The following HIBCH variants were observed in gnomAD, a reference collection of about 807,000 sequenced individuals.
The protein encoded by HIBCH is 3-hydroxyisobutyryl-CoA hydrolase.
A neutral mutation model predicts 58.2 loss-of-function variants in HIBCH; 50 were observed. The ratio of observed to expected loss-of-function variants is 0.86; its 90% CI spans 0.68 to 1.09. The LOEUF is 1.09. Among genes scored for constraint, HIBCH ranks in the 50% least tolerant of loss-of-function variants. The pLI is 0.00. For synonymous variants in HIBCH, 151 were observed against 146.9 expected (o/e 1.03, Z -0.20); for missense variants, 450 against 449.7 (o/e 1.00, Z -0.01).
rs1203864328 is a variant in HIBCH at position 190,207,033 on chromosome 2, A to C, written c.1046-1801T>G. On this transcript the variant is annotated intron_variant, in intron 13 of 13. Coordinates refer to ENST00000359678, the MANE Select transcript of HIBCH (RefSeq NM_014362.4). This position sits in a 1 kb window ranked among gnomAD's most constrained non-coding sequence, Gnocchi z 4.5. ...GCTACTCGGGAGGCTGAGGCAGGAG[A>C]ATGGTGTGAACCCGGGAGGCGGAGT... Among the ~76,000 whole-genome samples the C allele has an allele frequency of 6.6e-6, 1 of 152,060 alleles. No individual in the cohort carries two copies. Among genetic ancestry groups the C allele is most frequent in the East Asian group, 1.9e-4 (1 of 5,194 alleles).
chr2:190,311,016 G>A (rs749840177), intron 1 of HIBCH: 53 of 680,778 alleles, frequency 7.8e-5, no homozygotes, highest in Non-Finnish European at 1.2e-4. Context: ...CTGCCAAAAT[G>A]TGGACGTAAC....
At chr2:190,318,018 G>A (rs559413980) in intron 1 of HIBCH, among the ~76,000 whole-genome samples, 1 of 151,888 alleles carries the variant, frequency 6.6e-6, no homozygotes, top group South Asian at 2.1e-4. Context: ...TAGAGACGGG[G>A]TTTCACTATG....
intron 9 of HIBCH, among the ~76,000 whole-genome samples, chr2:190,246,525 A>G (rs1224126406): frequency 1.3e-5 from 2 of 152,240 alleles, no homozygotes; most frequent in Admixed American, 6.5e-5. Flanking sequence ...GGGACCTGAA[A>G]GGTCAACCTG....
At position 190,206,158 on chromosome 2, in the gene HIBCH, C is replaced by A. The variant is rs779279175; in HGVS notation, c.1046-926G>T. Among the ~76,000 whole-genome samples, 1 of 152,086 alleles carries A rather than the reference C, an allele frequency of 6.6e-6. No individual in the cohort carries two copies. The highest frequency in any genetic ancestry group is 1.5e-5 in the Non-Finnish European group (1 of 68,004). On this transcript the variant is annotated intron_variant, in intron 13 of 13. Coordinates refer to ENST00000359678, the MANE Select transcript of HIBCH (RefSeq NM_014362.4). This position sits in a 1 kb window ranked among gnomAD's most constrained non-coding sequence, Gnocchi z 5.1. The stretch of plus-strand genomic sequence containing the variant: ...ATAGTTAAAGAAGCAGTATGGGAAC[C>A]AAGGAAGAAGACTGCCTTGGTAGGT...
intron 2 of HIBCH, among the ~76,000 whole-genome samples, chr2:190,299,861 C>T (rs1204352667): frequency 6.6e-6 from 1 of 152,072 alleles, no homozygotes; most frequent in Non-Finnish European, 1.5e-5. Context: ...TTGTTTTCCT[C>T]TTTGTGTCCA....
chr2:190,199,950 A>T, downstream of HIBCH: 1 of 1,614,158 alleles, frequency 6.2e-7, no homozygotes, highest in Non-Finnish European at 8.5e-7. Flanking sequence ...CCTTTATGCC[A>T]GAAGAGAGAT....
intron 2 of HIBCH, among the ~76,000 whole-genome samples, chr2:190,301,879 T>C (rs1413931687): frequency 2.6e-5 from 4 of 152,152 alleles, no homozygotes; most frequent in East Asian, 3.9e-4. Context: ...ATAAGAGTAC[T>C]AATCCTGTGA....
intron 6 of HIBCH, among the ~76,000 whole-genome samples, chr2:190,266,573 A>G (rs1204847333): frequency 6.6e-6 from 1 of 151,174 alleles, no homozygotes; most frequent in Non-Finnish European, 1.5e-5. Context: ...AGCTGGAACT[A>G]CAGATGTGCA....
rs35205944 is a variant in HIBCH at position 190,259,631 on chromosome 2, T to C, written c.517+1525A>G. On this transcript the variant is annotated intron_variant, in intron 7 of 13. Coordinates refer to ENST00000359678, the MANE Select transcript of HIBCH (RefSeq NM_014362.4). The stretch of plus-strand genomic sequence containing the variant: ...CTTTTTGATGCTTTTGTAAATGAAA[T>C]TGTTTTCTTATTTTTCAAATAGTTT... Among the ~76,000 whole-genome samples the C allele has an allele frequency of 6.4e-3, 973 of 152,310 alleles. 10 individuals are homozygous for C. Among genetic ancestry groups the C allele is most frequent in the Non-Finnish European group, 0.011 (773 of 68,020 alleles).
rs1227134931 is a variant in HIBCH, at chr2:190,259,541, T to G, written c.517+1615A>C. Among the ~76,000 whole-genome samples, 19 of 152,172 alleles carry G rather than the reference T, an allele frequency of 1.2e-4. 1 individual carries two copies. Among genetic ancestry groups the G allele is most frequent in the Admixed American group, 1.2e-3 (19 of 15,268 alleles). ...GTCCAGCTATCTTTTGTTATTTTTG[T>G]AGGGATGTCGTTTCGCCATACAGAT... On this transcript the variant is annotated intron_variant, in intron 7 of 13. Coordinates refer to ENST00000359678, the MANE Select transcript of HIBCH (RefSeq NM_014362.4).
intron 10 of HIBCH, 89 bp downstream of exon 10, chr2:190,246,065 G>A (rs1401798814): frequency 1.3e-6 from 1 of 743,244 alleles, no homozygotes; most frequent in Non-Finnish European, 2.4e-6. Flanking sequence ...CAAACACAAT[G>A]TAATTAAAAT....
Position 190,211,940 on chromosome 2 carries a change from A to G in HIBCH, c.1011+1016T>C, listed in dbSNP as rs1463786726. On this transcript the variant is annotated intron_variant, in intron 12 of 13. Coordinates refer to ENST00000359678, the MANE Select transcript of HIBCH (RefSeq NM_014362.4). The surrounding 1 kb of genome is among the most constrained non-coding windows in gnomAD (Gnocchi z 5.0). ...TGTAATGAAAAACATGGAATGTGTG[A>G]GGTATACAGGAGAGTGGTCAAGAGT... Among the ~76,000 whole-genome samples, 1 of 152,232 alleles carries G rather than the reference A, an allele frequency of 6.6e-6. No homozygotes were observed. The highest frequency in any genetic ancestry group is 2.4e-5 in the African/African-American group (1 of 41,458).
At position 190,314,201 on chromosome 2, in the gene HIBCH, T is replaced by C. The variant is rs950283410; in HGVS notation, c.36-3405A>G. 5.3e-5 allele frequency among the ~76,000 whole-genome samples: 8 copies of C among 151,238 alleles called. No individual in the cohort carries two copies. The South Asian group carries it at 8.3e-4, about 16-fold the overall frequency. On this transcript the variant is annotated intron_variant, in intron 1 of 13. Transcript: ENST00000359678. ...TTTTATTTAACTCAAAGAAAGTTAA[T>C]GTAAACCTATCAAACAAAGCCACTG... is the stretch of plus-strand genomic sequence containing the variant.
At position 190,210,910 on chromosome 2, in the gene HIBCH, CCT is replaced by C. The variant is rs1002722762; in HGVS notation, c.1012-1999_1012-1998del. 1.4e-4 allele frequency among the ~76,000 whole-genome samples: 22 copies of C among 152,264 alleles called. No homozygotes were observed. The highest frequency in any genetic ancestry group is 4.3e-4 in the African/African-American group (18 of 41,534). ...GGTCATCCCATCTACAATTCATCCC[CCT>C]GTTACTCTATATCACATATCCTGCT... On this transcript the variant is annotated intron_variant, in intron 12 of 13. Transcript: ENST00000359678. The surrounding 1 kb of genome is among the most constrained non-coding windows in gnomAD (Gnocchi z 5.5).
In HIBCH at chr2:190,251,540, T is replaced by C. The variant is rs537002448; in HGVS notation, c.663+622A>G. 95 of 451,158 alleles carry C rather than the reference T, an allele frequency of 2.1e-4. 1 individual carries two copies. Among genetic ancestry groups the C allele is most frequent in the Non-Finnish European group, 4.0e-4 (88 of 218,002 alleles). The allele number at this position is 451,158 out of a possible 1,614,324, so 27.9% of individuals were successfully genotyped here. On this transcript the variant is annotated intron_variant, in intron 8 of 13. Transcript: ENST00000359678. ...AACACAAGGAGTTTCAACTACTATG[T>C]AATAGTGTCATCTCCATTCTGCAGA...
intron 6 of HIBCH, among the ~76,000 whole-genome samples, chr2:190,263,855 T>C (rs146288378): frequency 6.6e-6 from 1 of 151,854 alleles, no homozygotes; most frequent in African/African-American, 2.4e-5. Flanking sequence ...TAAAAATATA[T>C]CCTGGACTGG....
chr2:190,307,683 AAG>A (rs1181018200), intron 2 of HIBCH, among the ~76,000 whole-genome samples: 1 of 150,018 alleles, frequency 6.7e-6, no homozygotes, highest in African/African-American at 2.5e-5. Flanking sequence ...CAAACAAAAA[AAG>A]AGTTTAAAAT....
chr2:190,235,326 T>A (rs1254660349), intron 11 of HIBCH, among the ~76,000 whole-genome samples: 1 of 152,216 alleles, frequency 6.6e-6, no homozygotes, highest in Non-Finnish European at 1.5e-5. Flanking sequence ...GCATTCCTTA[T>A]GGGTGGCATA....
rs940513118 is a variant in HIBCH at position 190,207,277 on chromosome 2, T to C, written c.1045+1603A>G. Among the ~76,000 whole-genome samples the C allele has an allele frequency of 3.9e-5, 6 of 152,214 alleles. No homozygotes were observed. Among genetic ancestry groups the C allele is most frequent in the South Asian group, 4.1e-4 (2 of 4,834 alleles). ...TTTAAAGAAGGGCTATTATAACATA[T>C]AATGAATACTTTAACAATATAACCC... On this transcript the variant is annotated intron_variant, in intron 13 of 13. Transcript: ENST00000359678. The surrounding 1 kb of genome is among the most constrained non-coding windows in gnomAD (Gnocchi z 4.5).
Sources: gnomAD v4.1 joint callset for allele counts (sites outside exome capture counted in the v4.1 genomes callset) on GRCh38, gnomAD v4.1.1 for gene constraint, Gnocchi (gnomAD v3.1) non-coding constraint, MANE v1.5 for transcripts, NCBI Gene and HGNC (gene_info 2026-07-23, HGNC 2026-07-21) for gene names.